CAND2: variants seen among roughly 807,000 people sequenced by gnomAD.
CAND2 encodes the protein cullin associated and neddylation dissociated 2 (putative).
Under a neutral mutation model 98.9 loss-of-function variants are expected in CAND2, and 62 were observed. The observed-to-expected ratio is 0.63, with a 90% CI of 0.51 to 0.77. The LOEUF (loss-of-function observed/expected upper bound fraction) is 0.77. CAND2 is among the 30% of genes least tolerant of loss of function. The pLI is 0.00. For missense variants in CAND2, 1,501 were observed against 1,655.2 expected (o/e 0.91, Z 1.62); for synonymous variants, 770 against 731.9 (o/e 1.05, Z -0.84).
intron 13 of CAND2, among the ~76,000 whole-genome samples, chr3:12,830,601 GA>G (rs1362662877): frequency 1.3e-5 from 2 of 152,334 alleles, no homozygotes; most frequent in East Asian, 3.9e-4. Context: ...TGCAGCCTTG[GA>G]GTCCACTCTG....
In CAND2 at chr3:12,796,776, A is replaced by G; in HGVS notation, c.56A>G (p.Asp19Gly). 1.9e-6 allele frequency: 3 copies of G among 1,588,446 alleles called. No homozygotes were observed. The highest frequency in any genetic ancestry group is 2.3e-5 in the South Asian group (2 of 87,518). Residue 19 changes from aspartate to glycine, a missense_variant, in exon 1 of 15, where the codon GAC (aspartate) becomes GGC (glycine). Transcript: ENST00000456430. ...CTCCTGGAGAAGATGACGTCCAGCGACAAGGACTTCAGGTGCAGCCCGCCG... is the reference window on the plus strand; with the variant it reads ...CTCCTGGAGAAGATGACGTCCAGCGGCAAGGACTTCAGGTGCAGCCCGCCG... The part of the protein sequence containing the change: ...SSLLEKMTSS[D>G]KDFRFMATSD...
chr3:12,819,786 C>T (rs1370314858), intron 10 of CAND2, among the ~76,000 whole-genome samples: 1 of 152,086 alleles, frequency 6.6e-6, no homozygotes, highest in Non-Finnish European at 1.5e-5. Flanking sequence ...TCTGAAAAAT[C>T]CCAAGGCCTG....
Position 12,833,824 on chromosome 3 carries a change from G to C in CAND2, c.3553G>C (p.Val1185Leu). 1 of 1,614,214 alleles carries C rather than the reference G, an allele frequency of 6.2e-7. No individual in the cohort carries two copies. The highest frequency in any genetic ancestry group is 8.5e-7 in the Non-Finnish European group (1 of 1,180,032). ...ACTGAAGCGCTCTGCAATGAGGGCA[G>C]TGGCTGCCCTGCTGACCATCCCCGA... ...DELKRSAMRA[V>L]AALLTIPEVG... is the part of the protein sequence containing the mutation. The change falls in exon 15 of 15, where the codon GTG becomes CTG. Residue 1185 changes from valine (V) to leucine (L), a missense_variant. By Grantham distance (32) the Val-to-Leu change is conservative. This residue lies in a region of CAND2 where 1,427 missense variants were observed against 1,545.3 expected (regional missense o/e 0.92). Transcript: ENST00000456430.
chr3:12,808,124 ACAGC>A, intron 3 of CAND2, 82 bp from the exon 4 acceptor site: 1 of 1,491,112 alleles, frequency 6.7e-7, no homozygotes, highest in Non-Finnish European at 9.1e-7. Flanking sequence ...GCTCAGGAAC[ACAGC>A]CAGAGCAGAG....
At chr3:12,827,969 C>T (rs114073748) in intron 13 of CAND2, among the ~76,000 whole-genome samples, 2,738 of 150,292 alleles carry the variant, frequency 0.018, 75 homozygotes, top group African/African-American at 0.063. Context: ...GACGACAAAG[C>T]GAGACCCTGT....
intron 10 of CAND2, among the ~76,000 whole-genome samples, chr3:12,818,858 C>T (rs142755105): frequency 6.6e-6 from 1 of 152,312 alleles, no homozygotes; most frequent in East Asian, 1.9e-4. Context: ...TTGTTGAGGA[C>T]ACTGTCTATT....
chr3:12,824,763 C>T (rs974036977), intron 11 of CAND2, among the ~76,000 whole-genome samples: 1 of 152,126 alleles, frequency 6.6e-6, no homozygotes, highest in African/African-American at 2.4e-5. Context: ...CAAAAATTAG[C>T]CAGGCATGGT....
intron 1 of CAND2, among the ~76,000 whole-genome samples, chr3:12,802,220 G>T (rs1412947562): frequency 6.6e-6 from 1 of 152,178 alleles, no homozygotes; most frequent in Admixed American, 6.5e-5. Flanking sequence ...CCAGCTACTC[G>T]GGAGGCTGAG....
chr3:12,813,220 A>G, intron 6 of CAND2, 26 bp from the exon 7 acceptor site: 1 of 1,611,182 alleles, frequency 6.2e-7, no homozygotes, highest in Non-Finnish European at 8.5e-7. Context: ...TGGATCCAGC[A>G]AAGCATTCCT....
At chr3:12,803,797 A>G (rs1169648263) in intron 2 of CAND2, among the ~76,000 whole-genome samples, 166 bp downstream of exon 2, 1 of 152,112 alleles carries the variant, frequency 6.6e-6, no homozygotes, top group Non-Finnish European at 1.5e-5. Flanking sequence ...TGAGACAAGG[A>G]TTCAAATCTA....
Position 12,813,179 on chromosome 3 carries a change from A to C in CAND2, c.864-67A>C, listed in dbSNP as rs2061868040. 5 of 1,594,754 alleles carry C rather than the reference A, an allele frequency of 3.1e-6. No homozygotes were observed. In the South Asian group the frequency reaches 5.7e-5, roughly 18 times the overall value. On this transcript the variant is annotated intron_variant, in intron 6 of 14. Transcript: ENST00000456430. ...AAAGCAGTAAAATTTCAGGACTCCCATTGGGCCCTGTCCCCCACTCCTGTC... is the reference window on the plus strand; with the variant it reads ...AAAGCAGTAAAATTTCAGGACTCCCCTTGGGCCCTGTCCCCCACTCCTGTC...
rs1408065504 is a variant in CAND2 at position 12,834,310 on chromosome 3, A to C, written c.*328A>C. 1 of 308,898 alleles carries C rather than the reference A, an allele frequency of 3.2e-6. No individual in the cohort carries two copies. The highest frequency in any genetic ancestry group is 5.5e-5 in the South Asian group (1 of 18,070). The allele number at this position is 308,898 out of a possible 1,614,324, so 19.1% of individuals were successfully genotyped here. A position where few individuals can be genotyped will look rare whatever the true frequency, so the allele number is the denominator to read the frequency against. On this transcript the variant is annotated 3_prime_UTR_variant, in exon 15 of 15. Transcript: ENST00000456430. ...CCTTCAGAGGGTGTCTCTGCCTCAC[A>C]AACTAGTAGTATTTAGAAATAGGCT... is the stretch of plus-strand genomic sequence containing the variant.
Position 12,815,780 on chromosome 3 carries a change from ATG to A in CAND2, c.1300-83_1300-82del, listed in dbSNP as rs1455468423. On this transcript the variant is annotated intron_variant, in intron 8 of 14. Transcript: ENST00000456430. This position sits in a 1 kb window ranked among gnomAD's most constrained non-coding sequence, Gnocchi z 5.7. ...CTTGATGCCGACATCCTCCCTGGGG[ATG>A]TGTCTGGCAAAGCCTCCTGGTAGTG... The A allele has an allele frequency of 4.7e-6, 6 of 1,278,232 alleles. No homozygotes were observed. The East Asian group carries it at 1.2e-4, about 25-fold the overall frequency. 79.2% of individuals were successfully genotyped at this position (1,278,232 alleles called of 1,614,324 possible).
At chr3:12,802,483 C>T (rs2061773368) in intron 1 of CAND2, among the ~76,000 whole-genome samples, 1 of 152,204 alleles carries the variant, frequency 6.6e-6, no homozygotes, top group East Asian at 1.9e-4. Context: ...TAGTCTCATC[C>T]CTGTTTTCAG....
intron 10 of CAND2, among the ~76,000 whole-genome samples, chr3:12,819,617 TTCTGGA>T (rs2061939547): frequency 6.6e-6 from 1 of 152,204 alleles, no homozygotes; most frequent in Non-Finnish European, 1.5e-5. Flanking sequence ...CAGCCAGGAA[TTCTGGA>T]TCTGCTGTGT....
chr3:12,817,023 T>C lies in CAND2; in HGVS notation c.2091T>C (p.Ala697=). 6.2e-7 allele frequency: 1 copy of C among 1,613,082 alleles called. No homozygotes were observed. The highest frequency in any genetic ancestry group is 2.2e-5 in the East Asian group (1 of 44,870). ...CGTCTGCCGTGCAGGCCGTGCTGGC[T>C]GAGCTGCCTGCCCTGGTCAACGAGA... The part of the protein sequence containing the change: ...LPPSAVQAVL[A]ELPALVNESD... Residue 697 remains alanine (A), a synonymous_variant, in exon 10 of 15, where the codon GCT becomes GCC. Coordinates refer to ENST00000456430, the MANE Select transcript of CAND2 (RefSeq NM_001162499.2).
At chr3:12,829,396 C>T (rs1473508638) in intron 13 of CAND2, among the ~76,000 whole-genome samples, 3 of 152,230 alleles carry the variant, frequency 2.0e-5, no homozygotes, top group Non-Finnish European at 2.9e-5. Flanking sequence ...ACCCACCCAC[C>T]TCGGCCTCCC....
intron 1 of CAND2, among the ~76,000 whole-genome samples, chr3:12,798,252 G>C (rs890137431): frequency 2.0e-5 from 3 of 151,976 alleles, no homozygotes; most frequent in Non-Finnish European, 4.4e-5. Context: ...CCTTCACTAG[G>C]GGGATTCTTT....
At position 12,808,310 on chromosome 3, in the gene CAND2, C is replaced by T; in HGVS notation, c.468C>T (p.Asp156=). ...TGGCTGTGCAGCTGGAAGCCCTGGACATCCTCTCTGACATGCTGAGCAGGT... is the reference window on the plus strand; with the variant it reads ...TGGCTGTGCAGCTGGAAGCCCTGGATATCCTCTCTGACATGCTGAGCAGGT... ...EDVAVQLEAL[D]ILSDMLSRLG... The change falls in exon 4 of 15, where the codon GAC becomes GAT. Residue 156 remains aspartate (D), a synonymous_variant. Coordinates refer to ENST00000456430, the MANE Select transcript of CAND2 (RefSeq NM_001162499.2). 6.4e-7 allele frequency: 1 copy of T among 1,551,512 alleles called. No individual in the cohort carries two copies. The highest frequency in any genetic ancestry group is 8.7e-7 in the Non-Finnish European group (1 of 1,146,930).
Sources: allele counts gnomAD v4.1 joint callset (sites outside exome capture counted in the v4.1 genomes callset), GRCh38; gene constraint gnomAD v4.1.1; regional missense constraint gnomAD v4.1.1; non-coding constraint Gnocchi (gnomAD v3.1); transcripts MANE v1.5; gene names NCBI Gene and HGNC (gene_info 2026-07-23, HGNC 2026-07-21).